The following ZC3H6 variants were observed in gnomAD, a reference collection of about 807,000 sequenced individuals.
The protein encoded by ZC3H6 is zinc finger CCCH domain-containing protein 6.
In ZC3H6, 40 loss-of-function variants were observed where a neutral mutation model predicts 107.7. The observed-to-expected ratio is 0.37, with a 90% CI of 0.29 to 0.48. ZC3H6 has a LOEUF of 0.48. Among genes scored for constraint, ZC3H6 ranks in the 20% least tolerant of loss-of-function variants. The pLI, the probability that ZC3H6 is intolerant of heterozygous loss-of-function variation, is 0.98. For synonymous variants in ZC3H6, 493 were observed against 487.9 expected (o/e 1.01, Z -0.14); for missense variants, 1,267 against 1,410.4 (o/e 0.90, Z 1.63).
At chr2:112,317,191 C>CTT (rs1409385285) in intron 6 of ZC3H6, 30 bp from the exon 7 acceptor site, 65 of 1,117,938 alleles carry the variant, frequency 5.8e-5, no homozygotes, top group South Asian at 2.2e-4. Context: ...ACCTTTTTTT[C>CTT]TTTTTTCTTT....
At chr2:112,306,741 T>C (rs1324550066) in intron 3 of ZC3H6, among the ~76,000 whole-genome samples, 2 of 152,198 alleles carry the variant, frequency 1.3e-5, no homozygotes, top group African/African-American at 4.8e-5. Flanking sequence ...TGGGCTGCAG[T>C]CTGTGATTCG....
intron 1 of ZC3H6, among the ~76,000 whole-genome samples, chr2:112,291,157 A>G (rs1418084896): frequency 2.6e-5 from 4 of 152,248 alleles, no homozygotes; most frequent in Non-Finnish European, 5.9e-5. Flanking sequence ...AGCTAATCTC[A>G]GTTTTAGTTT....
Position 112,332,423 on chromosome 2 carries a change from A to G in ZC3H6, c.3505A>G (p.Thr1169Ala), listed in dbSNP as rs1677055703. Residue 1169 changes from threonine (T) to alanine (A), a missense_variant, in exon 12 of 12, where the codon ACA (threonine) becomes GCA (alanine). Coordinates refer to ENST00000409871, the MANE Select transcript of ZC3H6 (RefSeq NM_198581.3). ...PTPDNDPGRE[T>A]DDKSLKEVFK... ...CCCAGATAATGATCCCGGTAGAGAA[A>G]CAGATGACAAATCTCTGAAAGAGGT... 1.2e-6 allele frequency: 2 copies of G among 1,611,518 alleles called. No homozygotes were observed. Among genetic ancestry groups the G allele is most frequent in the Non-Finnish European group, 1.7e-6 (2 of 1,179,456 alleles).
chr2:112,302,288 G>A (rs1201115859), intron 2 of ZC3H6, among the ~76,000 whole-genome samples: 2 of 152,054 alleles, frequency 1.3e-5, no homozygotes, highest in African/African-American at 4.8e-5. Context: ...ATTTCTTTAT[G>A]TCACCTATCA....
chr2:112,275,936 C>G lies in ZC3H6; in HGVS notation c.-59C>G. The G allele has an allele frequency of 6.7e-7, 1 of 1,483,088 alleles. No individual in the cohort carries two copies. The highest frequency in any genetic ancestry group is 9.0e-7 in the Non-Finnish European group (1 of 1,110,820). The allele number at this position is 1,483,088 out of a possible 1,614,324, so 91.9% of individuals were successfully genotyped here. A position where few individuals can be genotyped will look rare whatever the true frequency, so the allele number is the denominator to read the frequency against. The stretch of plus-strand genomic sequence containing the variant: ...GGCGGCGCGGGGGGTCTTCCCCGCG[C>G]CCCGCCGCCGCCGGCCTCGCAGACC... On this transcript the variant is annotated 5_prime_UTR_variant, in exon 1 of 12. Transcript: ENST00000409871.
At chr2:112,279,981 A>C (rs1047939738) in intron 1 of ZC3H6, among the ~76,000 whole-genome samples, 2 of 152,228 alleles carry the variant, frequency 1.3e-5, no homozygotes, top group African/African-American at 4.8e-5. Flanking sequence ...AATGTGCTAC[A>C]TTTGAGAGAG....
At chr2:112,309,054 A>G (rs1333967243) in intron 3 of ZC3H6, among the ~76,000 whole-genome samples, 3 of 152,154 alleles carry the variant, frequency 2.0e-5, no homozygotes, top group Non-Finnish European at 2.9e-5. Context: ...CTCTGTCTCA[A>G]AAGAAATAAA....
In ZC3H6 at chr2:112,311,822, A is replaced by G. The variant is rs200677750; in HGVS notation, c.632A>G (p.Lys211Arg). The change falls in exon 5 of 12, where the codon AAA becomes AGA. Residue 211 changes from lysine (K) to arginine (R), a missense_variant. Around this residue, in one of 3 missense-constraint regions of ZC3H6, gnomAD observed 337 missense variants for 361.2 expected, o/e 0.93. Coordinates refer to ENST00000409871, the MANE Select transcript of ZC3H6 (RefSeq NM_198581.3). ...TTTCTAGGTATTGAACAGAGAGTTA[A>G]AAGTTTTAATGTTGGTCGTGGACGT... ...GVQQGIEQRV[K>R]SFNVGRGRGL... 1.6e-4 allele frequency: 264 copies of G among 1,612,004 alleles called. No individual in the cohort carries two copies. Among genetic ancestry groups the G allele is most frequent in the Admixed American group, 3.9e-4 (23 of 59,718 alleles).
chr2:112,327,430 C>T (rs1184825460), intron 11 of ZC3H6, among the ~76,000 whole-genome samples: 1 of 152,138 alleles, frequency 6.6e-6, no homozygotes, highest in Non-Finnish European at 1.5e-5. Flanking sequence ...AATCCCTTCT[C>T]AGATAGGTAG....
At chr2:112,293,867 C>T (rs1401337642) in intron 1 of ZC3H6, among the ~76,000 whole-genome samples, 4 of 152,208 alleles carry the variant, frequency 2.6e-5, no homozygotes, top group African/African-American at 9.6e-5. Context: ...TCATGTCCCT[C>T]ATCCGCAGGG....
intron 8 of ZC3H6, among the ~76,000 whole-genome samples, 200 bp downstream of exon 8, chr2:112,322,065 C>T (rs547744229): frequency 6.6e-6 from 1 of 151,904 alleles, no homozygotes; most frequent in South Asian, 2.1e-4. Context: ...ATCTCCAAAC[C>T]ATTTCAACTT....
chr2:112,293,085 A>G (rs1457742589), intron 1 of ZC3H6, among the ~76,000 whole-genome samples: 8 of 152,218 alleles, frequency 5.3e-5, no homozygotes, highest in Admixed American at 5.2e-4. Flanking sequence ...AAGAGGAATT[A>G]CTTGTAACAA....
At chr2:112,303,171 C>T (rs1573954966) in intron 2 of ZC3H6, 58 bp from the exon 3 acceptor site, 1 of 1,562,196 alleles carries the variant, frequency 6.4e-7, no homozygotes, top group South Asian at 1.2e-5. Context: ...TATCTAATTA[C>T]TAGTTAAATT....
At chr2:112,278,844 C>T (rs2104689509) in intron 1 of ZC3H6, among the ~76,000 whole-genome samples, 1 of 152,268 alleles carries the variant, frequency 6.6e-6, no homozygotes, top group South Asian at 2.1e-4. Flanking sequence ...TGGTCTTGAA[C>T]TCCTGGGCTC....
At chr2:112,326,147 A>G (rs1307055096) in intron 11 of ZC3H6, among the ~76,000 whole-genome samples, 1 of 152,196 alleles carries the variant, frequency 6.6e-6, no homozygotes, top group African/African-American at 2.4e-5. Context: ...CATGCAATGC[A>G]TAATAATCAC....
At chr2:112,321,168 C>T (rs919718406) in intron 7 of ZC3H6, among the ~76,000 whole-genome samples, 31 of 151,914 alleles carry the variant, frequency 2.0e-4, no homozygotes, top group Admixed American at 5.9e-4. Context: ...TTTCTTTATA[C>T]GTTTGTCTCC....
intron 1 of ZC3H6, among the ~76,000 whole-genome samples, chr2:112,278,142 T>A (rs1379386814): frequency 6.6e-6 from 1 of 152,210 alleles, no homozygotes; most frequent in Non-Finnish European, 1.5e-5. Context: ...ATAGGCTCCC[T>A]GGGAAATTCT....
intron 1 of ZC3H6, among the ~76,000 whole-genome samples, chr2:112,293,766 CTCAAA>C (rs957270695): frequency 6.6e-5 from 10 of 152,304 alleles, no homozygotes; most frequent in African/African-American, 1.2e-4. Context: ...AAAGCCTAGA[CTCAAA>C]TCAAGTTATC....
At chr2:112,323,802 A>G (rs1012629194) in intron 9 of ZC3H6, among the ~76,000 whole-genome samples, 2 of 152,238 alleles carry the variant, frequency 1.3e-5, no homozygotes, top group East Asian at 3.8e-4. Flanking sequence ...ATTTTACTGT[A>G]AAAGGTTATA....
Sources: gnomAD v4.1 joint callset for allele counts (sites outside exome capture counted in the v4.1 genomes callset) on GRCh38, gnomAD v4.1.1 for gene constraint, gnomAD v4.1.1 regional missense constraint, MANE v1.5 for transcripts, NCBI Gene and HGNC (gene_info 2026-07-23, HGNC 2026-07-21) for gene names.